Variants in OSTF1 observed in about 807,000 individuals in gnomAD.
OSTF1 encodes osteoclast stimulating factor 1.
A neutral mutation model predicts 37.2 loss-of-function variants in OSTF1; 27 were observed. That is an observed-to-expected ratio of 0.73 (90% CI 0.54 to 1.00). The LOEUF is 1.00. Among genes scored for constraint, OSTF1 ranks in the 50% least tolerant of loss-of-function variants. The probability of loss-of-function intolerance (pLI) is 0.00; values close to 1 mark genes in which losing one functional copy is unlikely to be tolerated. For missense variants in OSTF1, 232 were observed against 253.8 expected (o/e 0.91, Z 0.58); for synonymous variants, 82 against 89.2 (o/e 0.92, Z 0.46).
At chr9:75,130,668 T>C (rs986847816) in intron 4 of OSTF1, 27 bp downstream of exon 4, 1 of 1,534,610 alleles carries the variant, frequency 6.5e-7, no homozygotes, top group Non-Finnish European at 9.0e-7. Context: ...GGTTTTACTT[T>C]AGCTTCGTTC....
At chr9:75,126,472 G>A (rs900014205) in intron 2 of OSTF1, among the ~76,000 whole-genome samples, 3 of 151,924 alleles carry the variant, frequency 2.0e-5, no homozygotes, top group African/African-American at 4.8e-5. Flanking sequence ...ATTTGCTCTC[G>A]GTAGGCATCA....
chr9:75,118,164 G>T (rs961445734), intron 2 of OSTF1, among the ~76,000 whole-genome samples: 2 of 152,178 alleles, frequency 1.3e-5, no homozygotes, highest in Non-Finnish European at 2.9e-5. Context: ...GTACTCTGGA[G>T]AAAAATAAGG....
intron 9 of OSTF1, among the ~76,000 whole-genome samples, chr9:75,145,949 A>T (rs1304840720): frequency 6.6e-6 from 1 of 152,206 alleles, no homozygotes; most frequent in Non-Finnish European, 1.5e-5. Context: ...AGCTTCAGAG[A>T]TGTGATACTT....
At chr9:75,141,849 G>C (rs1221951217) in intron 9 of OSTF1, among the ~76,000 whole-genome samples, 1 of 152,228 alleles carries the variant, frequency 6.6e-6, no homozygotes, top group African/African-American at 2.4e-5. Flanking sequence ...CTAGGCTCAC[G>C]TGATCCTCCC....
In OSTF1 at chr9:75,146,774, T is replaced by C; in HGVS notation, c.*33T>C. ...CTGGAGCTTTGAGATCTAAAACTTCTGTTGCTTTTGCCATTCCAAAACTTT... is the reference window on the plus strand; with the variant it reads ...CTGGAGCTTTGAGATCTAAAACTTCCGTTGCTTTTGCCATTCCAAAACTTT... On this transcript the variant is annotated 3_prime_UTR_variant, in exon 10 of 10. Transcript: ENST00000346234. 2 of 1,509,818 alleles carry C rather than the reference T, an allele frequency of 1.3e-6. No homozygotes were observed. The highest frequency in any genetic ancestry group is 1.8e-6 in the Non-Finnish European group (2 of 1,096,532). 93.5% of individuals were successfully genotyped at this position (1,509,818 alleles called of 1,614,324 possible).
intron 1 of OSTF1, among the ~76,000 whole-genome samples, chr9:75,098,655 A>G (rs1165333751): frequency 6.6e-6 from 1 of 152,218 alleles, no homozygotes; most frequent in African/African-American, 2.4e-5. Flanking sequence ...TACGTATTCT[A>G]CTAGATTTTA....
chr9:75,133,082 TATC>T (rs1378524931), intron 5 of OSTF1, among the ~76,000 whole-genome samples: 1 of 152,098 alleles, frequency 6.6e-6, no homozygotes, highest in East Asian at 1.9e-4. Context: ...CCCATTAACT[TATC>T]ATTAGAAACA....
chr9:75,102,200 C>T (rs1825205185), intron 1 of OSTF1, among the ~76,000 whole-genome samples: 1 of 152,150 alleles, frequency 6.6e-6, no homozygotes. Context: ...ATCCTGAACT[C>T]CTGGCCTCAA....
At position 75,127,334 on chromosome 9, in the gene OSTF1, A is replaced by G. The variant is rs534559391; in HGVS notation, c.82-235A>G. On this transcript the variant is annotated intron_variant, in intron 2 of 9. Transcript: ENST00000346234. The stretch of plus-strand genomic sequence containing the variant: ...CTTGCTTTGGTTGTAGAAGAATGCA[A>G]GATGTGTGTGGAGAATCTTTATATA... Among the ~76,000 whole-genome samples the G allele has an allele frequency of 1.8e-4, 28 of 152,304 alleles. No individual in the cohort carries two copies. In the South Asian group the frequency reaches 5.2e-3, roughly 28 times the overall value.
chr9:75,135,455 T>A (rs1264713983), intron 7 of OSTF1, among the ~76,000 whole-genome samples: 2 of 57,710 alleles, frequency 3.5e-5, no homozygotes, highest in Non-Finnish European at 7.2e-5. Flanking sequence ...TGGAAAATTA[T>A]CTTGTATTTC....
chr9:75,098,861 G>A (rs947929443), intron 1 of OSTF1, among the ~76,000 whole-genome samples: 1 of 152,224 alleles, frequency 6.6e-6, no homozygotes, highest in African/African-American at 2.4e-5. Flanking sequence ...AATCTGCTAA[G>A]AGAATGATTC....
chr9:75,092,525 T>A (rs1468673675), intron 1 of OSTF1, among the ~76,000 whole-genome samples: 1 of 152,152 alleles, frequency 6.6e-6, no homozygotes, highest in Non-Finnish European at 1.5e-5. Flanking sequence ...GGATGGCTGA[T>A]CTCATTCATT....
chr9:75,140,748 A>C, intron 8 of OSTF1, 86 bp from the exon 9 acceptor site: 2 of 873,958 alleles, frequency 2.3e-6, no homozygotes, highest in Non-Finnish European at 3.6e-6. Flanking sequence ...TTATTTTGCC[A>C]AAAGTTGTTA....
At chr9:75,092,771 G>A (rs1157141111) in intron 1 of OSTF1, among the ~76,000 whole-genome samples, 3 of 152,038 alleles carry the variant, frequency 2.0e-5, no homozygotes, top group African/African-American at 4.8e-5. Flanking sequence ...CTCAGCTTCC[G>A]TTTGAAAAGT....
chr9:75,146,949 C>A lies in OSTF1; in HGVS notation c.*208C>A. ...GGATTCTTGGCACATTTATGTTCAC[C>A]AAAGTAGAACAAGAAGATATTATTT... On this transcript the variant is annotated 3_prime_UTR_variant, in exon 10 of 10. Coordinates refer to ENST00000346234, the MANE Select transcript of OSTF1 (RefSeq NM_012383.5). 1 of 341,806 alleles carries A rather than the reference C, an allele frequency of 2.9e-6. No individual in the cohort carries two copies. The highest frequency in any genetic ancestry group is 4.7e-5 in the East Asian group (1 of 21,334). The allele number at this position is 341,806 out of a possible 1,614,324, so 21.2% of individuals were successfully genotyped here.
At chr9:75,119,307 G>C (rs1825541128) in intron 2 of OSTF1, among the ~76,000 whole-genome samples, 1 of 152,170 alleles carries the variant, frequency 6.6e-6, no homozygotes, top group Non-Finnish European at 1.5e-5. Context: ...GACTAACATG[G>C]GGGTGTGCAT....
Position 75,131,665 on chromosome 9 carries a change from G to T in OSTF1, c.197-105G>T, listed in dbSNP as rs1321863501. 1.0e-5 allele frequency: 8 copies of T among 784,246 alleles called. No homozygotes were observed. In the Admixed American group the frequency reaches 1.3e-4, roughly 13 times the overall value. The allele number at this position is 784,246 out of a possible 1,614,324, so 48.6% of individuals were successfully genotyped here. On this transcript the variant is annotated intron_variant, in intron 4 of 9. Coordinates refer to ENST00000346234, the MANE Select transcript of OSTF1 (RefSeq NM_012383.5). ...TTAAGTAAAGGAAACTGTGTTGAAT[G>T]CCCTGGTACTCCTGAAGCTGGGGGA...
chr9:75,095,640 C>T (rs1312367018), intron 1 of OSTF1, among the ~76,000 whole-genome samples: 3 of 152,156 alleles, frequency 2.0e-5, no homozygotes, highest in Non-Finnish European at 2.9e-5. Context: ...GGTATGTGCA[C>T]AGAGAACTGT....
In OSTF1 at chr9:75,106,693, C is replaced by A. The variant is rs528487578; in HGVS notation, c.35-10811C>A. Among the ~76,000 whole-genome samples the A allele has an allele frequency of 6.3e-4, 91 of 144,938 alleles. 1 individual carries two copies. The South Asian group carries it at 0.018, about 29-fold the overall frequency. On this transcript the variant is annotated intron_variant, in intron 1 of 9. Coordinates refer to ENST00000346234, the MANE Select transcript of OSTF1 (RefSeq NM_012383.5). ...AGTGGGTGCCGGGCGTGGTGGCTCA[C>A]ACCTGTAATCCCAGCACTTTGGGAG...
Sources: allele counts gnomAD v4.1 joint callset (sites outside exome capture counted in the v4.1 genomes callset), GRCh38; gene constraint gnomAD v4.1.1; transcripts MANE v1.5; gene names NCBI Gene and HGNC (gene_info 2026-07-23, HGNC 2026-07-21).